The following MYBPC1 variants were observed in gnomAD, a reference collection of about 807,000 sequenced individuals.
MYBPC1 encodes the protein myosin binding protein C1, also known as myosin-binding protein C, slow-type.
In MYBPC1, 52 loss-of-function variants were observed where a neutral mutation model predicts 147.1. The observed-to-expected ratio is 0.35, with a 90% CI of 0.28 to 0.45. The LOEUF (loss-of-function observed/expected upper bound fraction) is 0.45, where lower values mean the gene tolerates loss of function less well. MYBPC1 is among the 20% of genes least tolerant of loss of function. The probability of loss-of-function intolerance (pLI) is 1.00; values close to 1 mark genes in which losing one functional copy is unlikely to be tolerated. For missense variants in MYBPC1, 1,228 were observed against 1,440.3 expected, an observed-to-expected ratio of 0.85 and a Z score of 2.39; for synonymous variants, 477 against 475.9, an observed-to-expected ratio of 1.00 and a Z score of -0.03.
At chr12:101,676,088 T>C (rs1247589474) in intron 26 of MYBPC1, among the ~76,000 whole-genome samples, 2 of 152,242 alleles carry the variant, frequency 1.3e-5, no homozygotes, top group Non-Finnish European at 2.9e-5. Context: ...AGTTTTTTTA[T>C]GATTTTTTTT....
intron 12 of MYBPC1, among the ~76,000 whole-genome samples, chr12:101,645,225 A>G (rs1892833535): frequency 1.3e-5 from 2 of 152,200 alleles, no homozygotes; most frequent in African/African-American, 4.8e-5. Flanking sequence ...AATACCTTCT[A>G]TTTTCAATTC....
chr12:101,636,053 T>C lies in MYBPC1; in HGVS notation c.609-619T>C, dbSNP rs534424406. Among the ~76,000 whole-genome samples the C allele has an allele frequency of 2.6e-5, 4 of 152,286 alleles. No individual in the cohort carries two copies. In the South Asian group the frequency reaches 8.3e-4, roughly 32 times the overall value. ...TTTTTAAAACATATTTAAGAAGGTA[T>C]AAATATTAATAAGAAAATTAGAATA... On this transcript the variant is annotated intron_variant, in intron 9 of 31. Transcript: ENST00000361466.
rs1007262042 is a variant in MYBPC1, at chr12:101,638,259, C to T, written c.665+1531C>T. ...AGGAAAATACTAAACACTGTCTTTG[C>T]GTAGAATATAATGCTACTGATGTGA... On this transcript the variant is annotated intron_variant, in intron 10 of 31. Transcript: ENST00000361466. 7.2e-5 allele frequency among the ~76,000 whole-genome samples: 11 copies of T among 152,218 alleles called. No homozygotes were observed. In the South Asian group the frequency reaches 2.1e-3, roughly 29 times the overall value.
At chr12:101,686,147 T>C (rs913360453), downstream of MYBPC1, 3 of 152,494 alleles carry the variant, frequency 2.0e-5, no homozygotes, top group African/African-American at 7.2e-5. Flanking sequence ...TTTTTCTTCT[T>C]ATTTGAATGC....
intron 3 of MYBPC1, among the ~76,000 whole-genome samples, chr12:101,618,257 T>G (rs560471773): frequency 2.3e-4 from 35 of 152,366 alleles, no homozygotes; most frequent in Middle Eastern, 3.4e-3. Flanking sequence ...TCAGCTAACT[T>G]GAACTTATGC....
At chr12:101,633,181 C>A (rs1014165672) in intron 8 of MYBPC1, among the ~76,000 whole-genome samples, 9 of 152,108 alleles carry the variant, frequency 5.9e-5, no homozygotes, top group African/African-American at 2.2e-4. Flanking sequence ...GACCTCTTCT[C>A]GAGTAGAGTA....
chr12:101,675,182 G>A, intron 25 of MYBPC1, 110 bp from the exon 26 acceptor site: 1 of 1,428,590 alleles, frequency 7.0e-7, no homozygotes, highest in Non-Finnish European at 9.7e-7. Flanking sequence ...GTCTAGAAGA[G>A]TGATGCCTCC....
intron 3 of MYBPC1, among the ~76,000 whole-genome samples, chr12:101,622,721 T>A (rs1351858288): frequency 6.6e-6 from 1 of 150,602 alleles, no homozygotes; most frequent in Admixed American, 6.6e-5. Context: ...GGCGACAGAG[T>A]GAGACTCTGT....
At chr12:101,684,490 A>G in intron 31 of MYBPC1, 66 bp downstream of exon 31, 2 of 1,211,270 alleles carry the variant, frequency 1.7e-6, no homozygotes, top group East Asian at 4.7e-5. Context: ...AAGCCTGTGG[A>G]GTATGGCATG....
intron 11 of MYBPC1, among the ~76,000 whole-genome samples, 200 bp downstream of exon 11, chr12:101,642,785 C>T (rs1232589999): frequency 6.6e-6 from 1 of 152,172 alleles, no homozygotes; most frequent in Admixed American, 6.5e-5. Flanking sequence ...CCACATACAA[C>T]GTAGAATGGA....
At chr12:101,608,183 G>A (rs372851912) in intron 1 of MYBPC1, among the ~76,000 whole-genome samples, 7 of 152,210 alleles carry the variant, frequency 4.6e-5, no homozygotes, top group Non-Finnish European at 1.0e-4. Context: ...GGGAGAGAAA[G>A]TCTGTATATG....
chr12:101,661,144 T>G lies in MYBPC1; in HGVS notation c.1928-14T>G. 6.3e-7 allele frequency: 1 copy of G among 1,593,570 alleles called. No individual in the cohort carries two copies. Among genetic ancestry groups the G allele is most frequent in the Non-Finnish European group, 8.6e-7 (1 of 1,162,530 alleles). On this transcript the variant is annotated splice_polypyrimidine_tract_variant and intron_variant, in intron 19 of 31. Transcript: ENST00000361466. The stretch of plus-strand genomic sequence containing the variant: ...TTCCTTATTTTACTTTATCCTATTT[T>G]TTGTCTGCCACAGACTTCCCTGATC...
rs142372500 is a variant in MYBPC1 at position 101,632,330 on chromosome 12, G to A, written c.556+192G>A. Among the ~76,000 whole-genome samples, 6 of 152,238 alleles carry A rather than the reference G, an allele frequency of 3.9e-5. No homozygotes were observed. The East Asian group carries it at 9.6e-4, about 24-fold the overall frequency. On this transcript the variant is annotated intron_variant, in intron 8 of 31. Transcript: ENST00000361466. Reference sequence around the variant, plus strand: ...ATAATTTATAATAAAAGTAGAATTGGGGGGATTTTATCGCTAAATATCTCT... The same window carrying A: ...ATAATTTATAATAAAAGTAGAATTGAGGGGATTTTATCGCTAAATATCTCT...
intron 26 of MYBPC1, 49 bp downstream of exon 26, chr12:101,675,480 T>A: frequency 6.2e-7 from 1 of 1,612,800 alleles, no homozygotes; most frequent in Non-Finnish European, 8.5e-7. Flanking sequence ...GCACATTTCA[T>A]CAGAGGTAAA....
chr12:101,649,235 T>C, intron 14 of MYBPC1, 25 bp from the exon 15 acceptor site: 1 of 1,604,416 alleles, frequency 6.2e-7, no homozygotes, highest in Non-Finnish European at 8.5e-7. Flanking sequence ...TTTACAAACC[T>C]TTTTAATATT....
intron 1 of MYBPC1, among the ~76,000 whole-genome samples, chr12:101,597,610 T>C (rs1396674637): frequency 1.3e-5 from 2 of 152,214 alleles, no homozygotes; most frequent in African/African-American, 4.8e-5. Flanking sequence ...CTAATGGAAG[T>C]AATTAGTCAA....
At chr12:101,672,905 C>G (rs1289151406) in intron 24 of MYBPC1, among the ~76,000 whole-genome samples, 1 of 152,150 alleles carries the variant, frequency 6.6e-6, no homozygotes. Context: ...CAGAAGCTTT[C>G]TCAGCACTTT....
At chr12:101,638,783 C>G (rs1891467936) in intron 10 of MYBPC1, among the ~76,000 whole-genome samples, 1 of 152,172 alleles carries the variant, frequency 6.6e-6, no homozygotes, top group African/African-American at 2.4e-5. Flanking sequence ...ACTTAATGGG[C>G]AGCCAACATG....
At chr12:101,603,955 G>C (rs1031030697) in intron 1 of MYBPC1, among the ~76,000 whole-genome samples, 2 of 152,046 alleles carry the variant, frequency 1.3e-5, no homozygotes, top group Non-Finnish European at 2.9e-5. Flanking sequence ...AATAATAACT[G>C]ATTCAAGATC....
Sources: gnomAD v4.1 joint callset for allele counts (sites outside exome capture counted in the v4.1 genomes callset) on GRCh38, gnomAD v4.1.1 for gene constraint, MANE v1.5 for transcripts, NCBI Gene and HGNC (gene_info 2026-07-23, HGNC 2026-07-21) for gene names.